The following JAG1 variants were observed in gnomAD, a reference collection of about 807,000 sequenced individuals.
The protein encoded by JAG1 is jagged canonical Notch ligand 1, also known as protein jagged-1.
A neutral mutation model predicts 148.7 loss-of-function variants in JAG1; 23 were observed. That is an observed-to-expected ratio of 0.15 (90% CI 0.11 to 0.22). The LOEUF is 0.22. Among genes scored for constraint, JAG1 ranks in the 10% least tolerant of loss-of-function variants. JAG1 has a pLI of 1.00. For synonymous variants in JAG1, 572 were observed against 598.3 expected (o/e 0.96, Z 0.64); for missense variants, 1,054 against 1,611.2 (o/e 0.65, Z 5.92).
chr20:10,670,870 C>A (rs1414672317), intron 2 of JAG1, among the ~76,000 whole-genome samples: 2 of 152,178 alleles, frequency 1.3e-5, no homozygotes, highest in Non-Finnish European at 2.9e-5. Flanking sequence ...CCTCTCCTAC[C>A]CTCCCACACT....
chr20:10,644,822 T>G, intron 18 of JAG1, 41 bp downstream of exon 18: 1 of 1,422,008 alleles, frequency 7.0e-7, no homozygotes, highest in Non-Finnish European at 1.0e-6. Flanking sequence ...CAGGATCTGC[T>G]CCGACAGCCC....
At chr20:10,671,905 CA>C (rs559406946) in intron 2 of JAG1, among the ~76,000 whole-genome samples, 1 of 152,092 alleles carries the variant, frequency 6.6e-6, no homozygotes, top group African/African-American at 2.4e-5. Context: ...TCCAGAAGAC[CA>C]CCCCTTCCAA....
At chr20:10,647,174 G>A in intron 13 of JAG1, 71 bp from the exon 14 acceptor site, 2 of 1,583,616 alleles carry the variant, frequency 1.3e-6, no homozygotes, top group Non-Finnish European at 1.7e-6. Context: ...CCAAGGGCCT[G>A]GGCCAAGCCC....
At chr20:10,648,149 G>A in intron 12 of JAG1, 39 bp from the exon 13 acceptor site, 3 of 1,613,504 alleles carry the variant, frequency 1.9e-6, no homozygotes, top group Non-Finnish European at 2.5e-6. Context: ...GGAGGGATCA[G>A]AGTAAAACAA....
At chr20:10,649,713 C>T (rs943403818) in intron 9 of JAG1, 78 bp from the exon 10 acceptor site, 6 of 820,204 alleles carry the variant, frequency 7.3e-6, no homozygotes, top group Non-Finnish European at 1.3e-5. Context: ...AAAGAACAGG[C>T]CAGAGTTTGT....
At chr20:10,662,080 G>C (rs1358359265) in intron 3 of JAG1, 2 of 152,196 alleles carry the variant, frequency 1.3e-5, no homozygotes, top group Non-Finnish European at 2.9e-5. Flanking sequence ...TCATAAAAGA[G>C]GCCAAATAGG....
chr20:10,654,609 G>C (rs2122617805), intron 5 of JAG1, among the ~76,000 whole-genome samples: 1 of 152,264 alleles, frequency 6.6e-6, no homozygotes, highest in South Asian at 2.1e-4. Flanking sequence ...AACTATTTCT[G>C]CAGCAGGACA....
chr20:10,666,190 C>T (rs79697555), intron 2 of JAG1, among the ~76,000 whole-genome samples: 2,458 of 152,212 alleles, frequency 0.016, 65 homozygotes, highest in African/African-American at 0.056. Flanking sequence ...GGATTCCCTC[C>T]AAGGTTCCTA....
At position 10,641,884 on chromosome 20, in the gene JAG1, T is replaced by C. The variant is rs369503527; in HGVS notation, c.2581A>G (p.Arg861Gly). 6.2e-7 allele frequency: 1 copy of C among 1,608,802 alleles called. No individual in the cohort carries two copies. The highest frequency in any genetic ancestry group is 1.3e-5 in the African/African-American group (1 of 74,930). Residue 861 changes from arginine (R) to glycine (G), a missense_variant, in exon 22 of 26, where the codon AGA (arginine) becomes GGA (glycine). By Grantham distance (125) the Arg-to-Gly change is moderately radical. Around this residue, in one of 6 missense-constraint regions of JAG1, gnomAD observed 342 missense variants for 514.6 expected, o/e 0.66. Transcript: ENST00000254958. ...ACACTCCCCATGGTGATGCAAGGTC[T>C]CCCTGAAACTGACAGGTGGAGACGG... ...SGAKCQEVSG[R>G]PCITMGSVIP...
intron 2 of JAG1, among the ~76,000 whole-genome samples, chr20:10,667,107 A>G (rs1188999937): frequency 6.6e-6 from 1 of 152,246 alleles, no homozygotes; most frequent in Non-Finnish European, 1.5e-5. Flanking sequence ...CAACAGTGAC[A>G]GCCAAACCAA....
rs746303378 is a variant in JAG1 at position 10,645,934 on chromosome 20, AT to A, written c.1999+36del. The A allele has an allele frequency of 3.2e-5, 45 of 1,393,394 alleles. No individual in the cohort carries two copies. The Middle Eastern group carries it at 9.2e-4, about 28-fold the overall frequency. 86.3% of individuals were successfully genotyped at this position (1,393,394 alleles called of 1,614,324 possible). ...AAGTGGGATCCCTCCAACATGACCC[AT>A]ACATCCCAGAGCTCCCCAAAGAGTG... On this transcript the variant is annotated intron_variant, in intron 15 of 25. Transcript: ENST00000254958. The surrounding 1 kb of genome is among the most constrained non-coding windows in gnomAD (Gnocchi z 6.1).
chr20:10,672,623 C>G, intron 2 of JAG1, 78 bp downstream of exon 2: 1 of 1,442,014 alleles, frequency 6.9e-7, no homozygotes, highest in Non-Finnish European at 9.6e-7. Flanking sequence ...CTTTAAATCC[C>G]TCTCGCAAGG....
At position 10,673,351 on chromosome 20, in the gene JAG1, T is replaced by C. The variant is rs1489286184; in HGVS notation, c.81+99A>G. ...GGCGCAGGGGCGAGGAGTCGGGCGC[T>C]CGAGGGCTGCCGAGCCTGCTCGCGG... On this transcript the variant is annotated intron_variant, in intron 1 of 25. Transcript: ENST00000254958. This position sits in a 1 kb window ranked among gnomAD's most constrained non-coding sequence, Gnocchi z 4.7. 2 of 934,534 alleles carry C rather than the reference T, an allele frequency of 2.1e-6. No individual in the cohort carries two copies. The highest frequency in any genetic ancestry group is 1.8e-5 in the South Asian group (1 of 56,742). 57.9% of individuals were successfully genotyped at this position (934,534 alleles called of 1,614,324 possible).
chr20:10,651,365 C>G, intron 8 of JAG1: 1 of 545,932 alleles, frequency 1.8e-6, no homozygotes, highest in African/African-American at 1.9e-5. Context: ...GACGTTCCTT[C>G]CAAGAACAGA....
chr20:10,639,298 T>C lies in JAG1; in HGVS notation c.*200A>G. 5 of 654,566 alleles carry C rather than the reference T, an allele frequency of 7.6e-6. No individual in the cohort carries two copies. Among genetic ancestry groups the C allele is most frequent in the Admixed American group, 2.1e-5 (1 of 47,110 alleles). 40.5% of individuals were successfully genotyped at this position (654,566 alleles called of 1,614,324 possible). A position where few individuals can be genotyped will look rare whatever the true frequency, so the allele number is the denominator to read the frequency against. On this transcript the variant is annotated 3_prime_UTR_variant, in exon 26 of 26. Transcript: ENST00000254958. ...CAACCAGGGTACTGTTGACTAGCTT[T>C]TTGCATAGCTGTGAGATGCGGCACT...
At chr20:10,651,523 G>T in intron 8 of JAG1, 58 bp downstream of exon 8, 1 of 1,167,816 alleles carries the variant, frequency 8.6e-7, no homozygotes, top group Non-Finnish European at 1.3e-6. Flanking sequence ...CCTCTCCCCA[G>T]CGTGGTATCT....
chr20:10,644,458 C>T, intron 18 of JAG1, 74 bp from the exon 19 acceptor site: 2 of 1,181,396 alleles, frequency 1.7e-6, no homozygotes, highest in Non-Finnish European at 1.3e-6. Context: ...AAAACCACCA[C>T]TTATTTTCCT....
Position 10,672,887 on chromosome 20 carries a change from G to A in JAG1, c.201C>T (p.Thr67=). The change falls in exon 2 of 26, where the codon ACC becomes ACT. Residue 67 remains threonine, a synonymous_variant. Transcript: ENST00000254958. ...TGAAGTATGTGTCACACTCGTCGCG[G>A]GTGCACTTGCGGTCTCCCGGGTTCC... is the stretch of plus-strand genomic sequence containing the variant. ...GARNPGDRKC[T]RDECDTYFKV... 1.2e-6 allele frequency: 2 copies of A among 1,613,270 alleles called. No homozygotes were observed. The highest frequency in any genetic ancestry group is 1.6e-4 in the Middle Eastern group (1 of 6,062).
At position 10,650,267 on chromosome 20, in the gene JAG1, G is replaced by T; in HGVS notation, c.1214C>A (p.Thr405Asn). The change falls in exon 9 of 26, where the codon ACT becomes AAT. Residue 405 changes from threonine (T) to asparagine (N), a missense_variant. Coordinates refer to ENST00000254958, the MANE Select transcript of JAG1 (RefSeq NM_000214.3). Reference sequence around the variant, plus strand: ...CTTACCTAACTGGCACGTTTTCCCAGTCCACTGTGGGGGGCACACACACTT... The same window carrying T: ...CTTACCTAACTGGCACGTTTTCCCATTCCACTGTGGGGGGCACACACACTT... The part of the protein sequence containing the change: ...GFKCVCPPQW[T>N]GKTCQLDANE... 6.2e-7 allele frequency: 1 copy of T among 1,613,158 alleles called. No homozygotes were observed.
Sources: allele counts gnomAD v4.1 joint callset (sites outside exome capture counted in the v4.1 genomes callset), GRCh38; gene constraint gnomAD v4.1.1; regional missense constraint gnomAD v4.1.1; non-coding constraint Gnocchi (gnomAD v3.1); transcripts MANE v1.5; gene names NCBI Gene and HGNC (gene_info 2026-07-23, HGNC 2026-07-21).